CDH8: variants seen among roughly 807,000 people sequenced by gnomAD.
CDH8 encodes cadherin 8.
In CDH8, 17 loss-of-function variants were observed where a neutral mutation model predicts 68.1. The observed-to-expected ratio is 0.25, with a 90% CI of 0.17 to 0.37. The LOEUF (loss-of-function observed/expected upper bound fraction) is 0.37, where lower values mean the gene tolerates loss of function less well. Ranked by LOEUF, CDH8 falls within the 10% of genes least tolerant of loss-of-function variation. The probability of loss-of-function intolerance (pLI) is 1.00; values close to 1 mark genes in which losing one functional copy is unlikely to be tolerated. For missense variants in CDH8, 763 were observed against 999.3 expected (o/e 0.76, Z 3.19); for synonymous variants, 372 against 365.1 (o/e 1.02, Z -0.21).
At chr16:61,712,039 A>C (rs1964640676) in intron 10 of CDH8, among the ~76,000 whole-genome samples, 1 of 151,780 alleles carries the variant, frequency 6.6e-6, no homozygotes, top group Middle Eastern at 3.2e-3. Context: ...ATAGATCATA[A>C]TTTTAACTTC....
At chr16:61,853,194 A>G (rs1235239838) in intron 4 of CDH8, among the ~76,000 whole-genome samples, 1 of 152,102 alleles carries the variant, frequency 6.6e-6, no homozygotes, top group African/African-American at 2.4e-5. Context: ...CAATAGAAGA[A>G]GCTCTCTCTG....
chr16:61,659,506 C>T (rs1192353757), intron 10 of CDH8, among the ~76,000 whole-genome samples: 2 of 152,156 alleles, frequency 1.3e-5, no homozygotes, highest in African/African-American at 4.8e-5. Flanking sequence ...AGTTCTAAGT[C>T]AGTATGGTCA....
At chr16:61,986,542 A>C (rs1965632561) in intron 2 of CDH8, among the ~76,000 whole-genome samples, 1 of 152,168 alleles carries the variant, frequency 6.6e-6, no homozygotes, top group Non-Finnish European at 1.5e-5. Context: ...GCGCACTTTG[A>C]GGGGCTTGAT....
intron 2 of CDH8, among the ~76,000 whole-genome samples, chr16:61,941,628 GACAGGGTTTC>G: frequency 6.6e-6 from 1 of 152,288 alleles, no homozygotes; most frequent in East Asian, 1.9e-4. Context: ...TTTTAGTAGA[GACAGGGTTTC>G]ACTGTGTTGA....
intron 7 of CDH8, among the ~76,000 whole-genome samples, chr16:61,808,985 A>G (rs1961871883): frequency 6.6e-6 from 1 of 152,194 alleles, no homozygotes; most frequent in African/African-American, 2.4e-5. Context: ...CAGGAGTTCA[A>G]GACCAGCTTG....
chr16:62,028,348 G>T (rs1009132535), intron 1 of CDH8, among the ~76,000 whole-genome samples: 1 of 151,918 alleles, frequency 6.6e-6, no homozygotes, highest in Non-Finnish European at 1.5e-5. Context: ...GATTACAGAC[G>T]TGAGCCACCG....
intron 9 of CDH8, 64 bp downstream of exon 9, chr16:61,727,030 G>T (rs755904579): frequency 1.3e-6 from 2 of 1,525,434 alleles, no homozygotes; most frequent in Admixed American, 1.7e-5. Context: ...TATAATGCAG[G>T]TTAGTCAAAT....
At chr16:61,799,470 A>G (rs1481023854) in intron 7 of CDH8, among the ~76,000 whole-genome samples, 1 of 152,130 alleles carries the variant, frequency 6.6e-6, no homozygotes, top group Non-Finnish European at 1.5e-5. Flanking sequence ...CCTATAATCT[A>G]GTGGAGTAGC....
intron 8 of CDH8, among the ~76,000 whole-genome samples, chr16:61,739,548 T>C (rs544484721): frequency 7.6e-4 from 115 of 151,768 alleles, no homozygotes; most frequent in Non-Finnish European, 1.3e-3. Flanking sequence ...ATATATAACA[T>C]AGCATTAGGT....
intron 4 of CDH8, among the ~76,000 whole-genome samples, chr16:61,851,783 G>A (rs918162853): frequency 2.0e-5 from 3 of 152,032 alleles, no homozygotes; most frequent in African/African-American, 7.2e-5. Context: ...TTTCTCTGAT[G>A]CTACACTGTC....
chr16:61,949,037 T>C lies in CDH8; in HGVS notation c.253-47564A>G, dbSNP rs537730249. Reference sequence around the variant, plus strand: ...GAGATACACAGTAGAGGTCAGAATTTAAAAAGTTCTGATTACTCTTGCAAT... The same window carrying C: ...GAGATACACAGTAGAGGTCAGAATTCAAAAAGTTCTGATTACTCTTGCAAT... On this transcript the variant is annotated intron_variant, in intron 2 of 11. Coordinates refer to ENST00000577390, the MANE Select transcript of CDH8 (RefSeq NM_001796.5). Among the ~76,000 whole-genome samples, 100 of 152,226 alleles carry C rather than the reference T, an allele frequency of 6.6e-4. 2 individuals are homozygous for C. Among genetic ancestry groups the C allele is most frequent in the Non-Finnish European group, 8.5e-4 (58 of 68,040 alleles).
chr16:61,840,269 A>G (rs1484531279), intron 4 of CDH8, among the ~76,000 whole-genome samples: 2 of 151,772 alleles, frequency 1.3e-5, no homozygotes, highest in Non-Finnish European at 2.9e-5. Flanking sequence ...CCTCCTTGGT[A>G]AAAAAAAGCA....
chr16:61,656,123 A>C (rs1015570625), intron 10 of CDH8, among the ~76,000 whole-genome samples: 1 of 152,048 alleles, frequency 6.6e-6, no homozygotes, highest in South Asian at 2.1e-4. Context: ...CCACCCGCCT[A>C]GGCCTCCCAA....
chr16:62,026,527 C>T (rs543847579), intron 1 of CDH8, among the ~76,000 whole-genome samples: 1 of 152,276 alleles, frequency 6.6e-6, no homozygotes, highest in African/African-American at 2.4e-5. Flanking sequence ...GAATGTCATG[C>T]CATGAACTAC....
At chr16:61,717,988 C>T (rs1964762931) in intron 9 of CDH8, among the ~76,000 whole-genome samples, 1 of 151,180 alleles carries the variant, frequency 6.6e-6, no homozygotes, top group Non-Finnish European at 1.5e-5. Context: ...TACACACATA[C>T]ATGTGTGTAT....
At chr16:61,848,489 G>A (rs764428759) in intron 4 of CDH8, among the ~76,000 whole-genome samples, 2 of 152,128 alleles carry the variant, frequency 1.3e-5, no homozygotes, top group Admixed American at 6.6e-5. Context: ...ATATTTAACT[G>A]TTCTATGTGC....
intron 3 of CDH8, among the ~76,000 whole-genome samples, chr16:61,893,401 T>TGTGTGTGTGTGTGA (rs1302604559): frequency 1.4e-5 from 2 of 146,136 alleles, no homozygotes; most frequent in African/African-American, 2.6e-5. Flanking sequence ...TACAGGTAGA[T>TGTGTGTGTGTGTGA]GTGTGTGTGT....
intron 2 of CDH8, among the ~76,000 whole-genome samples, chr16:62,001,751 A>G (rs907132123): frequency 3.9e-5 from 6 of 152,142 alleles, no homozygotes; most frequent in African/African-American, 1.4e-4. Context: ...TACATGTGCC[A>G]TGTTGGTGTG....
At chr16:61,687,945 G>A (rs1964140215) in intron 10 of CDH8, among the ~76,000 whole-genome samples, 1 of 151,988 alleles carries the variant, frequency 6.6e-6, no homozygotes, top group African/African-American at 2.4e-5. Flanking sequence ...TCTTAAAGGT[G>A]AGGAAAGTCA....
Sources: allele counts gnomAD v4.1 joint callset (sites outside exome capture counted in the v4.1 genomes callset), GRCh38; gene constraint gnomAD v4.1.1; transcripts MANE v1.5; gene names NCBI Gene and HGNC (gene_info 2026-07-23, HGNC 2026-07-21).